The following ZNF570 variants were observed in gnomAD, a reference collection of about 807,000 sequenced individuals.
ZNF570 encodes the protein zinc finger protein 570.
In ZNF570, 8 loss-of-function variants were observed where a neutral mutation model predicts 14.2. That is an observed-to-expected ratio of 0.56 (90% CI 0.33 to 1.02). ZNF570 has a LOEUF of 1.02. Among genes scored for constraint, ZNF570 ranks in the 50% least tolerant of loss-of-function variants. The pLI is 0.03. For missense variants in ZNF570, 559 were observed against 624.9 expected (o/e 0.89, Z 1.12); for synonymous variants, 202 against 207.6 (o/e 0.97, Z 0.23).
intron 2 of ZNF570, among the ~76,000 whole-genome samples, chr19:37,471,444 T>A (rs1834975873): frequency 6.6e-6 from 1 of 152,214 alleles, no homozygotes; most frequent in Non-Finnish European, 1.5e-5. Flanking sequence ...TCATTCATTC[T>A]AATTTTTAGT....
chr19:37,476,969 G>A (rs758853067), intron 4 of ZNF570, among the ~76,000 whole-genome samples: 4 of 152,020 alleles, frequency 2.6e-5, no homozygotes, highest in African/African-American at 9.7e-5. Flanking sequence ...GCCTTCCAAA[G>A]TGCTGGCATT....
chr19:37,468,035 C>T (rs1021756754), upstream of ZNF570: 6 of 1,055,416 alleles, frequency 5.7e-6, no homozygotes, highest in Non-Finnish European at 8.4e-6. Flanking sequence ...GCTGTGTCAT[C>T]TCAGACTAGG....
chr19:37,478,501 T>G (rs1321789330), intron 4 of ZNF570, among the ~76,000 whole-genome samples: 1 of 151,820 alleles, frequency 6.6e-6, no homozygotes, highest in South Asian at 2.1e-4. Context: ...TTGTGAATAA[T>G]GGTAGTTTCT....
In ZNF570 at chr19:37,478,985, C is replaced by G. The variant is rs1416733811; in HGVS notation, c.256+2551C>G. Reference sequence around the variant, plus strand: ...TTCCTTTCTTGTCAGATTTCGGAATCAAGGTTGATTAGTCTCGTAAATTCT... The same window carrying G: ...TTCCTTTCTTGTCAGATTTCGGAATGAAGGTTGATTAGTCTCGTAAATTCT... On this transcript the variant is annotated intron_variant, in intron 4 of 4. Transcript: ENST00000330173. Among the ~76,000 whole-genome samples, 2 of 151,190 alleles carry G rather than the reference C, an allele frequency of 1.3e-5. 1 individual carries two copies. The highest frequency in any genetic ancestry group is 1.3e-4 in the Admixed American group (2 of 15,096).
Position 37,484,370 on chromosome 19 carries a change from G to A in ZNF570, c.748G>A (p.Glu250Lys). 1 of 1,614,090 alleles carries A rather than the reference G, an allele frequency of 6.2e-7. No individual in the cohort carries two copies. The highest frequency in any genetic ancestry group is 8.5e-7 in the Non-Finnish European group (1 of 1,180,026). The change falls in exon 5 of 5, where the codon GAG (glutamate) becomes AAG (lysine). Residue 250 changes from glutamate (E) to lysine (K), a missense_variant. Coordinates refer to ENST00000330173, the MANE Select transcript of ZNF570 (RefSeq NM_144694.5). The part of the protein sequence containing the change: ...HTGEKPYKCI[E>K]CGKAFSQRSN... ...TGGAGAGAAACCCTATAAATGTATAGAGTGTGGAAAAGCCTTCAGCCAGAG... is the reference window on the plus strand; with the variant it reads ...TGGAGAGAAACCCTATAAATGTATAAAGTGTGGAAAAGCCTTCAGCCAGAG...
At chr19:37,481,712 C>T (rs2042090230) in intron 4 of ZNF570, among the ~76,000 whole-genome samples, 2 of 152,112 alleles carry the variant, frequency 1.3e-5, no homozygotes, top group South Asian at 2.1e-4. Context: ...TATCTCTTCA[C>T]ATATTGTCAC....
At position 37,469,383 on chromosome 19, in the gene ZNF570, G is replaced by T; in HGVS notation, c.-226G>T. On this transcript the variant is annotated 5_prime_UTR_variant, in exon 1 of 5. Transcript: ENST00000330173. ...TTCTTTCCGGGCCCGTAAGGGCTGG[G>T]TTCCATCCAACTAAGGGTAGCGGTG... 1.3e-6 allele frequency: 2 copies of T among 1,481,476 alleles called. No individual in the cohort carries two copies. Among genetic ancestry groups the T allele is most frequent in the Non-Finnish European group, 1.8e-6 (2 of 1,113,434 alleles). 91.8% of individuals were successfully genotyped at this position (1,481,476 alleles called of 1,614,324 possible). A position where few individuals can be genotyped will look rare whatever the true frequency, so the allele number is the denominator to read the frequency against.
At position 37,485,155 on chromosome 19, in the gene ZNF570, A is replaced by C; in HGVS notation, c.1533A>C (p.Ala511=). The change falls in exon 5 of 5, where the codon GCA becomes GCC. Residue 511 remains alanine, a synonymous_variant. Transcript: ENST00000330173. ...GCAAAAAAACCTTCAGGCAGCATGC[A>C]CACCTTGCTCATCACCAGAGAATTC... ...KECKKTFRQH[A]HLAHHQRIHI... 1.2e-6 allele frequency: 2 copies of C among 1,605,518 alleles called. No individual in the cohort carries two copies. Among genetic ancestry groups the C allele is most frequent in the South Asian group, 1.1e-5 (1 of 89,614 alleles).
Position 37,484,504 on chromosome 19 carries a change from A to G in ZNF570, c.882A>G (p.Arg294=), listed in dbSNP as rs760221374. The G allele has an allele frequency of 4.0e-5, 65 of 1,613,854 alleles. No individual in the cohort carries two copies. Among genetic ancestry groups the G allele is most frequent in the Non-Finnish European group, 5.3e-5 (63 of 1,179,950 alleles). Residue 294 remains arginine (R), a synonymous_variant, in exon 5 of 5, where the codon CGA becomes CGG. Transcript: ENST00000330173. ...ATGCACACCTAGTTCAACATCTGCG[A>G]GTTCATACTGGAGAAAAACCTTACG... The part of the protein sequence containing the change: ...SQNAHLVQHL[R]VHTGEKPYEC...
chr19:37,469,201 A>T, upstream of ZNF570: 1 of 1,271,074 alleles, frequency 7.9e-7, no homozygotes, highest in Non-Finnish European at 1.0e-6. Flanking sequence ...GGTGGGGAGG[A>T]GGCCGTGTTA....
intron 2 of ZNF570, among the ~76,000 whole-genome samples, chr19:37,473,727 G>T (rs1394106043): frequency 1.3e-5 from 2 of 152,138 alleles, no homozygotes; most frequent in East Asian, 1.9e-4. Context: ...GAACTAAGAG[G>T]CGAGGTTGTG....
chr19:37,488,537 A>G lies in ZNF570; in HGVS notation c.*3304A>G, dbSNP rs1485450177. Reference sequence around the variant, plus strand: ...TTTTAAAAATAAGCAAATACTGTATAGCCAATTCTTAAAATTTGATAAAGC... The same window carrying G: ...TTTTAAAAATAAGCAAATACTGTATGGCCAATTCTTAAAATTTGATAAAGC... On this transcript the variant is annotated 3_prime_UTR_variant, in exon 5 of 5. Transcript: ENST00000330173. 1 of 152,228 alleles carries G rather than the reference A, an allele frequency of 6.6e-6. No individual in the cohort carries two copies. The highest frequency in any genetic ancestry group is 1.5e-5 in the Non-Finnish European group (1 of 68,032). 9.4% of individuals were successfully genotyped at this position (152,228 alleles called of 1,614,324 possible).
intron 2 of ZNF570, among the ~76,000 whole-genome samples, chr19:37,475,653 A>G (rs1162630888): frequency 1.3e-5 from 2 of 152,134 alleles, no homozygotes; most frequent in African/African-American, 4.8e-5. Flanking sequence ...TAAAATAATT[A>G]AGTGCAGTGG....
Position 37,485,094 on chromosome 19 carries a change from T to C in ZNF570, c.1472T>C (p.Ile491Thr). The C allele has an allele frequency of 6.2e-7, 1 of 1,613,996 alleles. No homozygotes were observed. Among genetic ancestry groups the C allele is most frequent in the African/African-American group, 1.3e-5 (1 of 74,964 alleles). Residue 491 changes from isoleucine to threonine, a missense_variant, in exon 5 of 5, where the codon ATT becomes ACT. Physicochemically the swap from Ile to Thr is moderately conservative, Grantham distance 89 (BLOSUM62 -1). Coordinates refer to ENST00000330173, the MANE Select transcript of ZNF570 (RefSeq NM_144694.5). ...YCGSLAQHQR[I>T]HTGERPYECK... ...GGATCCCTTGCCCAACATCAGAGAA[T>C]TCATACTGGAGAGAGACCCTATGAA...
upstream of ZNF570, chr19:37,469,195 G>GGGA: frequency 7.9e-7 from 1 of 1,262,078 alleles, no homozygotes; most frequent in South Asian, 1.9e-5. Flanking sequence ...GGACCTGGTG[G>GGGA]GGAGGAGGCC....
chr19:37,468,622 C>T (rs952980053), upstream of ZNF570, among the ~76,000 whole-genome samples: 3 of 152,238 alleles, frequency 2.0e-5, no homozygotes, highest in Non-Finnish European at 4.4e-5. Context: ...TTTTCTGCCT[C>T]AGCCTCCTGA....
In ZNF570 at chr19:37,485,531, C is replaced by T. The variant is rs896705605; in HGVS notation, c.*298C>T. ...CTGCCTCCAGGGTTCAAGCAATTCTCATGCATCAGCCTCCCGAGTAGCTGG... is the reference window on the plus strand; with the variant it reads ...CTGCCTCCAGGGTTCAAGCAATTCTTATGCATCAGCCTCCCGAGTAGCTGG... On this transcript the variant is annotated 3_prime_UTR_variant, in exon 5 of 5. Coordinates refer to ENST00000330173, the MANE Select transcript of ZNF570 (RefSeq NM_144694.5). The T allele has an allele frequency of 1.9e-5, 5 of 267,982 alleles. No individual in the cohort carries two copies. Among genetic ancestry groups the T allele is most frequent in the Non-Finnish European group, 2.8e-5 (4 of 142,564 alleles). 16.6% of individuals were successfully genotyped at this position (267,982 alleles called of 1,614,324 possible). A position where few individuals can be genotyped will look rare whatever the true frequency, so the allele number is the denominator to read the frequency against.
chr19:37,476,415 G>A lies in ZNF570; in HGVS notation c.237G>A (p.Leu79=), dbSNP rs369424072. ...GKAPWMVKRE[L]TKGLCSGWEP... ...CACCCTGGATGGTGAAGAGAGAGCT[G>A]ACAAAAGGCTTGTGCTCAGGTTAGT... The change falls in exon 4 of 5, where the codon CTG becomes CTA. Residue 79 remains leucine, a synonymous_variant. Coordinates refer to ENST00000330173, the MANE Select transcript of ZNF570 (RefSeq NM_144694.5). 1.9e-6 allele frequency: 3 copies of A among 1,613,782 alleles called. No homozygotes were observed. The highest frequency in any genetic ancestry group is 1.3e-5 in the African/African-American group (1 of 74,880).
At position 37,487,201 on chromosome 19, in the gene ZNF570, C is replaced by CAAAA. The variant is rs60321298; in HGVS notation, c.*1992_*1995dup. 1 of 44,822 alleles carries CAAAA rather than the reference C, an allele frequency of 2.2e-5. No homozygotes were observed. Among genetic ancestry groups the CAAAA allele is most frequent in the Non-Finnish European group, 4.3e-5 (1 of 23,418 alleles). The allele number at this position is 44,822 out of a possible 1,614,324, so 2.8% of individuals were successfully genotyped here. On this transcript the variant is annotated 3_prime_UTR_variant, in exon 5 of 5. Coordinates refer to ENST00000330173, the MANE Select transcript of ZNF570 (RefSeq NM_144694.5). ...TGGGCAATACAGCAAGACTCCATCTCAAAAAAAAAAAAAAAAAAAAAAAAA... is the reference window on the plus strand; with the variant it reads ...TGGGCAATACAGCAAGACTCCATCTCAAAAAAAAAAAAAAAAAAAAAAAAAAAAA...
Sources: allele counts gnomAD v4.1 joint callset (sites outside exome capture counted in the v4.1 genomes callset), GRCh38; gene constraint gnomAD v4.1.1; transcripts MANE v1.5; gene names NCBI Gene and HGNC (gene_info 2026-07-23, HGNC 2026-07-21).